The following RBMS3 variants were observed in gnomAD, a reference collection of about 807,000 sequenced individuals.
RBMS3 encodes the protein RNA-binding motif, single-stranded-interacting protein 3.
In RBMS3, 27 loss-of-function variants were observed where a neutral mutation model predicts 66.8. That is an observed-to-expected ratio of 0.40 (90% confidence interval 0.30 to 0.56). RBMS3 has a LOEUF of 0.56. RBMS3 is among the 20% of genes least tolerant of loss of function. The probability of loss-of-function intolerance (pLI) is 0.40; values close to 1 mark genes in which losing one functional copy is unlikely to be tolerated. For missense variants in RBMS3, 513 were observed against 549.5 expected, an observed-to-expected ratio of 0.93 and a Z score of 0.66; for synonymous variants, 188 against 183.0, an observed-to-expected ratio of 1.03 and a Z score of -0.22.
intron 14 of RBMS3, among the ~76,000 whole-genome samples, chr3:29,995,071 T>G (rs1425684157): frequency 3.9e-5 from 6 of 152,116 alleles, no homozygotes; most frequent in Non-Finnish European, 7.4e-5. Flanking sequence ...TACAGGGAAG[T>G]GCTTAAAGGA....
chr3:29,319,291 A>T (rs1362447243), intron 1 of RBMS3, among the ~76,000 whole-genome samples: 3 of 151,964 alleles, frequency 2.0e-5, no homozygotes, highest in African/African-American at 7.2e-5. Context: ...GGGGTTTGGG[A>T]TATGAGCTTA....
chr3:29,952,035 G>C (rs956118554), intron 12 of RBMS3, among the ~76,000 whole-genome samples: 2 of 151,754 alleles, frequency 1.3e-5, no homozygotes, highest in Non-Finnish European at 2.9e-5. Context: ...TTTAATAACA[G>C]TCTTTGAAAT....
At chr3:29,615,384 T>C (rs2048631748) in intron 4 of RBMS3, among the ~76,000 whole-genome samples, 1 of 152,032 alleles carries the variant, frequency 6.6e-6, no homozygotes, top group Admixed American at 6.6e-5. Context: ...CTCATATTAA[T>C]AGGATGTTAA....
chr3:29,445,642 A>G (rs2041804349), intron 2 of RBMS3, among the ~76,000 whole-genome samples: 1 of 152,146 alleles, frequency 6.6e-6, no homozygotes, highest in Non-Finnish European at 1.5e-5. Flanking sequence ...ATATCTGTGT[A>G]TTTGGCATAA....
intron 6 of RBMS3, among the ~76,000 whole-genome samples, chr3:29,779,725 A>ATATATATATATAT (rs1301512844): frequency 9.7e-5 from 14 of 144,858 alleles, no homozygotes; most frequent in South Asian, 2.1e-4. Flanking sequence ...ATATATATAT[A>ATATATATATATAT]AACAACCCCA....
rs180672496 is a variant in RBMS3, at chr3:29,663,341, A to G, written c.399+76136A>G. ...TTCCTTAGTAGCCTATGTTACTGTC[A>G]TCCAATTATAATTTCTTGCATAACG... On this transcript the variant is annotated intron_variant, in intron 4 of 14. Transcript: ENST00000383767. Among the ~76,000 whole-genome samples the G allele has an allele frequency of 2.3e-3, 352 of 152,326 alleles. 2 individuals are homozygous for G. The highest frequency in any genetic ancestry group is 8.0e-3 in the African/African-American group (333 of 41,572).
chr3:29,614,213 C>A (rs554114797), intron 4 of RBMS3, among the ~76,000 whole-genome samples: 1 of 152,002 alleles, frequency 6.6e-6, no homozygotes, highest in Admixed American at 6.6e-5. Flanking sequence ...GTGAAATAAG[C>A]CAGGCACAGA....
intron 11 of RBMS3, among the ~76,000 whole-genome samples, chr3:29,940,984 A>G (rs1230030834): frequency 2.0e-5 from 3 of 151,862 alleles, no homozygotes; most frequent in Admixed American, 6.6e-5. Flanking sequence ...TCCAAGTTGC[A>G]TGACAATCTT....
chr3:29,862,529 G>C (rs1411465056), intron 6 of RBMS3, among the ~76,000 whole-genome samples: 1 of 152,114 alleles, frequency 6.6e-6, no homozygotes, highest in African/African-American at 2.4e-5. Flanking sequence ...ACCTGTGAAA[G>C]CTGGCCAAAT....
intron 3 of RBMS3, among the ~76,000 whole-genome samples, chr3:29,562,080 C>G (rs1465853023): frequency 6.6e-6 from 1 of 151,980 alleles, no homozygotes; most frequent in Non-Finnish European, 1.5e-5. Flanking sequence ...TTTAGTTATT[C>G]AACTTTAGCA....
At chr3:29,355,866 T>A (rs553052385) in intron 1 of RBMS3, among the ~76,000 whole-genome samples, 1 of 152,234 alleles carries the variant, frequency 6.6e-6, no homozygotes, top group East Asian at 1.9e-4. Context: ...AGGTAACCCA[T>A]AATTACTAAC....
At chr3:29,675,610 G>T (rs2051211897) in intron 4 of RBMS3, among the ~76,000 whole-genome samples, 1 of 152,132 alleles carries the variant, frequency 6.6e-6, no homozygotes, top group South Asian at 2.1e-4. Flanking sequence ...ATCAAAAAAT[G>T]GGTGAAGGAT....
chr3:29,714,206 A>G (rs1194382943), intron 4 of RBMS3, among the ~76,000 whole-genome samples: 4 of 140,688 alleles, frequency 2.8e-5, no homozygotes. Flanking sequence ...AGTGGTGTAC[A>G]TATGAAGGAA....
At chr3:29,513,118 T>C (rs1238332093) in intron 3 of RBMS3, among the ~76,000 whole-genome samples, 1 of 152,202 alleles carries the variant, frequency 6.6e-6, no homozygotes, top group Non-Finnish European at 1.5e-5. Context: ...CCTTTCGCAT[T>C]TGACATTTAC....
chr3:29,983,486 G>T (rs949952576), intron 12 of RBMS3, among the ~76,000 whole-genome samples: 2 of 152,126 alleles, frequency 1.3e-5, no homozygotes, highest in Non-Finnish European at 2.9e-5. Context: ...TTGCCCATTA[G>T]TTGATGCAGT....
intron 4 of RBMS3, among the ~76,000 whole-genome samples, chr3:29,685,237 A>T (rs1470968675): frequency 6.6e-6 from 1 of 151,284 alleles, no homozygotes; most frequent in African/African-American, 2.4e-5. Context: ...TTTTTTTTGT[A>T]TTTTTAGTAG....
intron 1 of RBMS3, among the ~76,000 whole-genome samples, chr3:29,374,988 C>CA (rs1172011914): frequency 1.3e-5 from 2 of 152,134 alleles, no homozygotes; most frequent in Admixed American, 1.3e-4. Flanking sequence ...ACCAAAACAG[C>CA]ATGGTACTAG....
intron 1 of RBMS3, among the ~76,000 whole-genome samples, chr3:29,296,806 A>G (rs2125437543): frequency 6.6e-6 from 1 of 151,740 alleles, no homozygotes; most frequent in Admixed American, 6.6e-5. Context: ...CATCTTTCCA[A>G]GTTTGATGGC....
chr3:29,880,724 A>T, intron 7 of RBMS3: 1 of 1,480,496 alleles, frequency 6.8e-7, no homozygotes, highest in East Asian at 2.5e-5. Flanking sequence ...GTTACCCACA[A>T]TGTTCCAAAT....
Sources: allele counts gnomAD v4.1 joint callset (sites outside exome capture counted in the v4.1 genomes callset), GRCh38; gene constraint gnomAD v4.1.1; transcripts MANE v1.5; gene names NCBI Gene and HGNC (gene_info 2026-07-23, HGNC 2026-07-21).